Variants in SOX5 observed in about 807,000 individuals in gnomAD.
The protein encoded by SOX5 is transcription factor SOX-5.
A neutral mutation model predicts 92.0 loss-of-function variants in SOX5; 9 were observed. That is an observed-to-expected ratio of 0.10 (90% CI 0.06 to 0.17). The LOEUF is 0.17. SOX5 is among the 10% of genes least tolerant of loss of function. The probability of loss-of-function intolerance (pLI) is 1.00; values close to 1 mark genes in which losing one functional copy is unlikely to be tolerated. For synonymous variants in SOX5, 344 were observed against 336.3 expected (o/e 1.02, Z -0.25); for missense variants, 642 against 944.5 (o/e 0.68, Z 4.20).
intron 4 of SOX5, among the ~76,000 whole-genome samples, chr12:24,203,798 T>A (rs951808566): frequency 6.6e-6 from 1 of 152,242 alleles, no homozygotes; most frequent in African/African-American, 2.4e-5. Flanking sequence ...CGCCAATTAC[T>A]GTTTGGCAGT....
chr12:24,536,478 G>A (rs1363723133), intron 1 of SOX5, among the ~76,000 whole-genome samples: 1 of 152,148 alleles, frequency 6.6e-6, no homozygotes, highest in African/African-American at 2.4e-5. Flanking sequence ...TTTTTTTAAA[G>A]AGGTCATTTG....
chr12:23,703,721 T>G (rs1411741976), intron 6 of SOX5, among the ~76,000 whole-genome samples: 3 of 123,174 alleles, frequency 2.4e-5, no homozygotes, highest in Non-Finnish European at 4.9e-5. Flanking sequence ...TCTTCATTTC[T>G]CAGGGGACAC....
chr12:23,622,047 G>C (rs1433363557), intron 8 of SOX5, among the ~76,000 whole-genome samples: 2 of 152,058 alleles, frequency 1.3e-5, no homozygotes, highest in Admixed American at 1.3e-4. Flanking sequence ...TTGCTAAATG[G>C]AGGCCTTGGT....
intron 4 of SOX5, among the ~76,000 whole-genome samples, chr12:24,140,352 T>C (rs1394005152): frequency 1.3e-5 from 2 of 152,144 alleles, no homozygotes; most frequent in African/African-American, 2.4e-5. Flanking sequence ...CCTAAAGGCA[T>C]GATGAGTGAT....
chr12:24,232,489 G>C (rs1194011137), intron 3 of SOX5, among the ~76,000 whole-genome samples: 2 of 152,160 alleles, frequency 1.3e-5, no homozygotes, highest in East Asian at 1.9e-4. Context: ...CAATAAGAAA[G>C]TAAATCTATT....
chr12:24,475,921 G>A (rs1171382832), intron 1 of SOX5, among the ~76,000 whole-genome samples: 1 of 151,616 alleles, frequency 6.6e-6, no homozygotes, highest in Non-Finnish European at 1.5e-5. Flanking sequence ...GGTCAAGGCT[G>A]CAGTGAGCCA....
chr12:23,849,275 T>G (rs1031477529), intron 2 of SOX5, among the ~76,000 whole-genome samples: 1 of 152,204 alleles, frequency 6.6e-6, no homozygotes, highest in Non-Finnish European at 1.5e-5. Flanking sequence ...AAGTTCATAC[T>G]TAGAAACATT....
intron 2 of SOX5, among the ~76,000 whole-genome samples, chr12:24,343,345 C>G (rs1016899401): frequency 6.6e-6 from 1 of 151,608 alleles, no homozygotes; most frequent in East Asian, 2.0e-4. Flanking sequence ...CTCCTTGGGT[C>G]CCTACATCCC....
intron 4 of SOX5, among the ~76,000 whole-genome samples, chr12:24,146,189 T>G (rs1951063413): frequency 6.6e-6 from 1 of 152,102 alleles, no homozygotes; most frequent in Non-Finnish European, 1.5e-5. Context: ...CATATATTTT[T>G]TTTCTCAGTC....
At chr12:24,385,926 C>CAAAAAAAAAAAAAAAAAAAAAA (rs35813329) in intron 1 of SOX5, among the ~76,000 whole-genome samples, 3 of 73,402 alleles carry the variant, frequency 4.1e-5, no homozygotes, top group African/African-American at 1.2e-4. Context: ...GACCTTGTCA[C>CAAAAAAAAAAAAAAAAAAAAAA]AAAAAAAAAA....
At chr12:23,792,129 A>C (rs983502450) in intron 3 of SOX5, among the ~76,000 whole-genome samples, 2 of 152,122 alleles carry the variant, frequency 1.3e-5, no homozygotes, top group African/African-American at 4.8e-5. Flanking sequence ...AAACGTGTAC[A>C]CAACTATATA....
intron 6 of SOX5, among the ~76,000 whole-genome samples, chr12:23,673,078 T>G (rs1256709111): frequency 6.6e-6 from 1 of 152,082 alleles, no homozygotes; most frequent in African/African-American, 2.4e-5. Context: ...TCATAGAAAC[T>G]TAAGGGTTGC....
chr12:23,740,957 C>A lies in SOX5; in HGVS notation c.651G>T (p.Leu217Phe). ...NQLTSLREQLLAAHDEQKKLA... is the reference protein window; with the variant it reads ...NQLTSLREQLFAAHDEQKKLA... ...GTTTCTTCTGCTCATCGTGGGCAGC[C>A]AACAGCTGCTCTCGGAGGCTGGTCA... The change falls in exon 5 of 15, where the codon TTG (leucine) becomes TTT (phenylalanine). Residue 217 changes from leucine (L) to phenylalanine (F), a missense_variant. Leu to Phe is a conservative substitution (Grantham distance 22, BLOSUM62 0). This residue lies in a region of SOX5 where 324 missense variants were observed against 461.6 expected (regional missense o/e 0.70). Coordinates refer to ENST00000451604, the MANE Select transcript of SOX5 (RefSeq NM_006940.6). 6.2e-7 allele frequency: 1 copy of A among 1,612,338 alleles called. No homozygotes were observed. Among genetic ancestry groups the A allele is most frequent in the Non-Finnish European group, 8.5e-7 (1 of 1,178,850 alleles).
intron 4 of SOX5, among the ~76,000 whole-genome samples, chr12:24,176,248 G>A (rs1336056548): frequency 6.6e-6 from 1 of 151,992 alleles, no homozygotes; most frequent in Non-Finnish European, 1.5e-5. Flanking sequence ...ACAATCGCCT[G>A]AGCCCAGGAA....
intron 10 of SOX5, among the ~76,000 whole-genome samples, chr12:23,570,635 G>C (rs1948007903): frequency 6.6e-6 from 1 of 151,748 alleles, no homozygotes; most frequent in Admixed American, 6.6e-5. Flanking sequence ...AATTGGTCGG[G>C]TGTGGTGGCT....
chr12:24,363,146 T>C (rs1349692948), intron 2 of SOX5, among the ~76,000 whole-genome samples: 2 of 152,202 alleles, frequency 1.3e-5, no homozygotes, highest in Non-Finnish European at 2.9e-5. Context: ...AAATAACATC[T>C]ACTAAATTTT....
intron 1 of SOX5, among the ~76,000 whole-genome samples, chr12:24,419,403 G>A (rs35182105): frequency 0.05 from 7,684 of 152,238 alleles, 263 homozygotes; most frequent in Middle Eastern, 0.11. Context: ...GCCTCCCAAT[G>A]TGCTGTGATT....
chr12:24,501,043 G>A (rs1021825550), intron 1 of SOX5, among the ~76,000 whole-genome samples: 1 of 152,110 alleles, frequency 6.6e-6, no homozygotes, highest in Non-Finnish European at 1.5e-5. Flanking sequence ...AGGGTGGGGC[G>A]GACCCACTGC....
At chr12:24,405,552 A>G (rs904615096) in intron 1 of SOX5, among the ~76,000 whole-genome samples, 15 of 152,230 alleles carry the variant, frequency 9.9e-5, no homozygotes, top group Non-Finnish European at 1.5e-5. Context: ...AGCTAAGGGC[A>G]GATGTAAACC....
Sources: allele counts gnomAD v4.1 joint callset (sites outside exome capture counted in the v4.1 genomes callset), GRCh38; gene constraint gnomAD v4.1.1; regional missense constraint gnomAD v4.1.1; transcripts MANE v1.5; gene names NCBI Gene and HGNC (gene_info 2026-07-23, HGNC 2026-07-21).